Variants in WDR1 observed in about 807,000 individuals in gnomAD.
The protein encoded by WDR1 is WD repeat domain 1, also known as WD repeat-containing protein 1.
WDR1 carries 21 observed loss-of-function variants against 71.9 expected under a neutral mutation model. The ratio of observed to expected loss-of-function variants is 0.29; its 90% confidence interval spans 0.21 to 0.42. The LOEUF (loss-of-function observed/expected upper bound fraction) is 0.42, where lower values mean the gene tolerates loss of function less well. Ranked by LOEUF, WDR1 falls within the 10% of genes least tolerant of loss-of-function variation. The probability of loss-of-function intolerance (pLI) is 1.00; values close to 1 mark genes in which losing one functional copy is unlikely to be tolerated. For missense variants in WDR1, 696 were observed against 824.5 expected (o/e 0.84, Z 1.91); for synonymous variants, 424 against 347.4 (o/e 1.22, Z -2.45).
At chr4:10,096,060 C>G (rs1447516147) in intron 5 of WDR1, 2 of 152,252 alleles carry the variant, frequency 1.3e-5, no homozygotes, top group Non-Finnish European at 2.9e-5. Context: ...ATGTTCTGGA[C>G]AAGTCCCCAA....
intron 14 of WDR1, 39 bp downstream of exon 14, chr4:10,077,265 C>A (rs2109631751): frequency 6.2e-7 from 1 of 1,612,256 alleles, no homozygotes; most frequent in Non-Finnish European, 8.5e-7. Flanking sequence ...AGCCCCGAAC[C>A]ATGGGTGGTC....
chr4:10,099,166 G>A lies in WDR1; in HGVS notation c.230-27C>T, dbSNP rs757424002. ...TGTGGGGCACAGCGGGCGGGGGAGGGGGGGAGGCGGTGGTGGGGTAAAGGG... is the reference window on the plus strand; with the variant it reads ...TGTGGGGCACAGCGGGCGGGGGAGGAGGGGAGGCGGTGGTGGGGTAAAGGG... On this transcript the variant is annotated intron_variant, in intron 3 of 14. Transcript: ENST00000499869. 2.0e-5 allele frequency: 26 copies of A among 1,315,852 alleles called. 1 individual carries two copies. Among genetic ancestry groups the A allele is most frequent in the South Asian group, 9.9e-5 (8 of 80,980 alleles). 81.5% of individuals were successfully genotyped at this position (1,315,852 alleles called of 1,614,324 possible). A position where few individuals can be genotyped will look rare whatever the true frequency, so the allele number is the denominator to read the frequency against.
At chr4:10,116,426 AG>A in intron 1 of WDR1, 192 bp from the exon 2 acceptor site, 1 of 884,472 alleles carries the variant, frequency 1.1e-6, no homozygotes, top group Non-Finnish European at 1.6e-6. Flanking sequence ...CCTTGGGGGC[AG>A]CGGGGCTCCT....
intron 2 of WDR1, among the ~76,000 whole-genome samples, chr4:10,109,848 C>G (rs550330359): frequency 6.6e-6 from 1 of 152,352 alleles, no homozygotes; most frequent in Non-Finnish European, 1.5e-5. Context: ...ATGAGGGTAT[C>G]CACCCAACAG....
chr4:10,109,505 G>A (rs761089435), intron 2 of WDR1, among the ~76,000 whole-genome samples: 2 of 152,222 alleles, frequency 1.3e-5, no homozygotes, highest in Non-Finnish European at 2.9e-5. Flanking sequence ...CAGTGTACAG[G>A]CAGCTCCTTG....
intron 5 of WDR1, 135 bp from the exon 6 acceptor site, chr4:10,088,876 A>C (rs1711778150): frequency 9.5e-6 from 7 of 734,794 alleles, no homozygotes. Flanking sequence ...AAAATTTCAG[A>C]GCTTAAAAAA....
In WDR1 at chr4:10,088,353, C is replaced by A. The variant is rs530679433; in HGVS notation, c.657G>T (p.Lys219Asn). 13 of 1,558,876 alleles carry A rather than the reference C, an allele frequency of 8.3e-6. No individual in the cohort carries two copies. The Admixed American group carries it at 2.5e-4, about 30-fold the overall frequency. ...CCAGCGCGCACACCTTCTCCCCAGT[C>A]TTCCCGTCATAGATGTATATCTTCC... ...ADGQIYIYDG[K>N]TGEKVCALGG... is the part of the protein sequence containing the mutation. Residue 219 changes from lysine (K) to asparagine (N), a missense_variant, in exon 7 of 15, where the codon AAG becomes AAT. By Grantham distance (94) the Lys-to-Asn change is moderately conservative. Transcript: ENST00000499869.
chr4:10,078,399 G>A (rs566126782), intron 12 of WDR1, among the ~76,000 whole-genome samples: 28 of 152,336 alleles, frequency 1.8e-4, no homozygotes, highest in African/African-American at 3.4e-4. Flanking sequence ...TCAAGGGCAT[G>A]AGAATTATGC....
intron 5 of WDR1, chr4:10,095,824 G>A (rs1214228768): frequency 1.3e-5 from 2 of 152,360 alleles, no homozygotes; most frequent in South Asian, 2.1e-4. Context: ...ACTCACCCGA[G>A]GGGGGCACAG....
At chr4:10,112,159 A>C (rs1239413384) in intron 2 of WDR1, among the ~76,000 whole-genome samples, 2 of 151,958 alleles carry the variant, frequency 1.3e-5, no homozygotes, top group African/African-American at 4.8e-5. Context: ...GTTTAGAATC[A>C]CAAACAGGTT....
chr4:10,104,379 C>G (rs1712897058), intron 2 of WDR1, among the ~76,000 whole-genome samples: 2 of 152,232 alleles, frequency 1.3e-5, no homozygotes, highest in East Asian at 3.9e-4. Flanking sequence ...GCGCTCTGTT[C>G]TCTTCCGTGT....
At chr4:10,093,870 T>A (rs553622579) in intron 5 of WDR1, among the ~76,000 whole-genome samples, 1 of 152,248 alleles carries the variant, frequency 6.6e-6, no homozygotes, top group African/African-American at 2.4e-5. Flanking sequence ...CTGTCTTGAG[T>A]GAGGAAATAT....
intron 7 of WDR1, 54 bp from the exon 8 acceptor site, chr4:10,087,994 G>C: frequency 1.3e-6 from 2 of 1,482,048 alleles, no homozygotes; most frequent in Non-Finnish European, 1.8e-6. Flanking sequence ...ACTGGAGAGA[G>C]ACCCCAAAAA....
At chr4:10,103,772 C>CCGG in intron 3 of WDR1, 124 bp downstream of exon 3, 1 of 424,566 alleles carries the variant, frequency 2.4e-6, no homozygotes, top group Non-Finnish European at 4.3e-6. Flanking sequence ...CACCCCCAGC[C>CCGG]TGCTCCCCCA....
At chr4:10,116,022 G>C in intron 2 of WDR1, 91 bp downstream of exon 2, 2 of 1,512,460 alleles carry the variant, frequency 1.3e-6, no homozygotes, top group South Asian at 2.5e-5. Context: ...CCGGGCCAAT[G>C]GGCAGGAGGT....
chr4:10,114,758 G>A (rs980468967), intron 2 of WDR1, among the ~76,000 whole-genome samples: 1 of 152,180 alleles, frequency 6.6e-6, no homozygotes, highest in African/African-American at 2.4e-5. Context: ...AGGCCCTTCG[G>A]CTTTCTAGGA....
intron 2 of WDR1, among the ~76,000 whole-genome samples, chr4:10,111,920 C>A (rs958094398): frequency 2.6e-5 from 4 of 151,972 alleles, no homozygotes; most frequent in Non-Finnish European, 4.4e-5. Context: ...TTATAGACAT[C>A]ATTTTTCCAA....
chr4:10,116,042 A>G, intron 2 of WDR1, 71 bp downstream of exon 2: 5 of 1,561,114 alleles, frequency 3.2e-6, no homozygotes, highest in Admixed American at 1.8e-5. Context: ...TGAGAAGTGG[A>G]GAGGAAGGCG....
chr4:10,116,078 G>C, intron 2 of WDR1, 35 bp downstream of exon 2: 2 of 1,599,556 alleles, frequency 1.3e-6, no homozygotes, highest in Non-Finnish European at 1.7e-6. Context: ...AGGTGGCTCC[G>C]GAGCAGAACC....
Sources: gnomAD v4.1 joint callset for allele counts (sites outside exome capture counted in the v4.1 genomes callset) on GRCh38, gnomAD v4.1.1 for gene constraint, MANE v1.5 for transcripts, NCBI Gene and HGNC (gene_info 2026-07-23, HGNC 2026-07-21) for gene names.